Variants in PCSK5 observed in about 807,000 individuals in gnomAD.
PCSK5 encodes prohormone convertase 5.
PCSK5 carries 129 observed loss-of-function variants against 233.2 expected under a neutral mutation model. The ratio of observed to expected loss-of-function variants is 0.55; its 90% CI spans 0.48 to 0.64. The LOEUF (loss-of-function observed/expected upper bound fraction) is 0.64, where lower values mean the gene tolerates loss of function less well. PCSK5 is among the 30% of genes least tolerant of loss of function. PCSK5 has a pLI of 0.00. For synonymous variants in PCSK5, 825 were observed against 879.2 expected (o/e 0.94, Z 1.09); for missense variants, 2,076 against 2,430.1 (o/e 0.85, Z 3.06).
intron 3 of PCSK5, among the ~76,000 whole-genome samples, chr9:76,001,078 C>T (rs1827240314): frequency 6.6e-6 from 1 of 152,002 alleles, no homozygotes; most frequent in Admixed American, 6.6e-5. Context: ...AATTTAAAAT[C>T]AATTCAGTTT....
chr9:76,218,191 A>C (rs1357640791), intron 20 of PCSK5, among the ~76,000 whole-genome samples: 1 of 152,160 alleles, frequency 6.6e-6, no homozygotes, highest in African/African-American at 2.4e-5. Context: ...CAGCCTAAGA[A>C]GGGCACAGCC....
intron 23 of PCSK5, among the ~76,000 whole-genome samples, chr9:76,239,449 C>T (rs1826358911): frequency 6.6e-6 from 1 of 152,084 alleles, no homozygotes; most frequent in East Asian, 1.9e-4. Context: ...AATCCCAGCA[C>T]TTTGGGAGGC....
At position 76,040,363 on chromosome 9, in the gene PCSK5, C is replaced by CTG. The variant is rs1563988543; in HGVS notation, c.632+13327_632+13328insGT. ...TCTCTCTCTCTCTCTCTCTCTCTCT[C>CTG]TCTCTCTCTCTCTCTCTCTCTGTCT... On this transcript the variant is annotated intron_variant, in intron 5 of 37. Coordinates refer to ENST00000674117, the MANE Select transcript of PCSK5 (RefSeq NM_001372043.1). Among the ~76,000 whole-genome samples, 26 of 63,906 alleles carry CTG rather than the reference C, an allele frequency of 4.1e-4. No homozygotes were observed. In the East Asian group the frequency reaches 0.01, roughly 25 times the overall value. The allele number at this position is 63,906 out of a possible 152,430, so 41.9% of individuals were successfully genotyped here.
intron 3 of PCSK5, among the ~76,000 whole-genome samples, chr9:76,011,662 T>A (rs1025917886): frequency 6.6e-6 from 1 of 152,204 alleles, no homozygotes; most frequent in African/African-American, 2.4e-5. Context: ...TTGTCATAAG[T>A]AATTTTTTTG....
At chr9:76,285,556 G>A (rs7045119) in intron 24 of PCSK5, among the ~76,000 whole-genome samples, 3 of 152,006 alleles carry the variant, frequency 2.0e-5, no homozygotes, top group East Asian at 1.9e-4. Context: ...CAAGTGGTAG[G>A]GGGGGAGTCT....
Position 76,358,802 on chromosome 9 carries a change from T to C in PCSK5, c.5544T>C (p.Asp1848=), listed in dbSNP as rs1332787379. ...GGGACTATGATGAGGATGATGATGATGACATCGTCTACATGGGCCAGGATG... is the reference window on the plus strand; with the variant it reads ...GGGACTATGATGAGGATGATGATGACGACATCGTCTACATGGGCCAGGATG... ...RDRDYDEDDD[D]DIVYMGQDGT... is the part of the protein sequence containing the mutation. The change falls in exon 38 of 38, where the codon GAT becomes GAC. Residue 1848 remains aspartate (D), a synonymous_variant. Transcript: ENST00000674117. 1 of 1,612,796 alleles carries C rather than the reference T, an allele frequency of 6.2e-7. No homozygotes were observed. The highest frequency in any genetic ancestry group is 1.1e-5 in the South Asian group (1 of 91,082).
At chr9:76,040,505 C>T (rs959919365) in intron 5 of PCSK5, among the ~76,000 whole-genome samples, 1 of 151,958 alleles carries the variant, frequency 6.6e-6, no homozygotes, top group Non-Finnish European at 1.5e-5. Context: ...TCCGAGCTTC[C>T]CAAGATCCCT....
At chr9:75,934,134 A>G (rs1214532729) in intron 2 of PCSK5, among the ~76,000 whole-genome samples, 1 of 152,204 alleles carries the variant, frequency 6.6e-6, no homozygotes, top group African/African-American at 2.4e-5. Context: ...GACACATAGT[A>G]CCTGGAATGC....
chr9:76,076,011 A>G (rs749162214), intron 7 of PCSK5, among the ~76,000 whole-genome samples: 2 of 152,190 alleles, frequency 1.3e-5, no homozygotes, highest in Non-Finnish European at 2.9e-5. Context: ...GAATAAAAGT[A>G]AAGTGATTTC....
At chr9:76,277,123 G>A (rs990034603) in intron 24 of PCSK5, among the ~76,000 whole-genome samples, 4 of 152,090 alleles carry the variant, frequency 2.6e-5, no homozygotes, top group African/African-American at 9.7e-5. Context: ...CCAGCTACTA[G>A]GGAGTCTAAG....
chr9:76,080,608 T>C (rs1387661626), intron 7 of PCSK5, among the ~76,000 whole-genome samples: 1 of 152,188 alleles, frequency 6.6e-6, no homozygotes, highest in East Asian at 1.9e-4. Context: ...TGGTGTAGTA[T>C]GGTGGTTAAA....
intron 10 of PCSK5, among the ~76,000 whole-genome samples, chr9:76,142,579 T>C (rs766392473): frequency 6.6e-6 from 1 of 152,152 alleles, no homozygotes; most frequent in Non-Finnish European, 1.5e-5. Context: ...ATTCATAGTA[T>C]GTGCTTAAGT....
At chr9:76,208,117 T>G (rs2131280883) in intron 20 of PCSK5, among the ~76,000 whole-genome samples, 1 of 152,320 alleles carries the variant, frequency 6.6e-6, no homozygotes, top group African/African-American at 2.4e-5. Flanking sequence ...AGTCCATTTA[T>G]GAAGGCAGAG....
chr9:75,992,992 A>G (rs1304205844), intron 3 of PCSK5, among the ~76,000 whole-genome samples: 1 of 152,190 alleles, frequency 6.6e-6, no homozygotes, highest in East Asian at 1.9e-4. Context: ...GCTTTTTCTC[A>G]GCCAACTGGA....
intron 10 of PCSK5, among the ~76,000 whole-genome samples, chr9:76,154,130 T>A (rs1281031717): frequency 6.6e-6 from 1 of 152,224 alleles, no homozygotes; most frequent in Non-Finnish European, 1.5e-5. Context: ...TGACCTTCAT[T>A]GATCTACTCA....
chr9:76,227,630 G>C (rs564362814), intron 21 of PCSK5, 25 bp downstream of exon 21: 7 of 1,453,422 alleles, frequency 4.8e-6, no homozygotes, highest in Admixed American at 3.5e-5. Context: ...AGGATCTCCC[G>C]GTGGTGTGAG....
At chr9:76,040,617 T>C (rs1361069648) in intron 5 of PCSK5, among the ~76,000 whole-genome samples, 1 of 152,102 alleles carries the variant, frequency 6.6e-6, no homozygotes, top group East Asian at 1.9e-4. Context: ...GAAAGTAAAA[T>C]TGAAGGCAGG....
intron 5 of PCSK5, among the ~76,000 whole-genome samples, chr9:76,048,036 T>C (rs1465906270): frequency 2.6e-5 from 4 of 152,208 alleles, no homozygotes; most frequent in Non-Finnish European, 5.9e-5. Flanking sequence ...AAAGCCGCTG[T>C]CACGTTGCCG....
intron 5 of PCSK5, among the ~76,000 whole-genome samples, chr9:76,064,025 C>G (rs1488406244): frequency 4.1e-5 from 4 of 97,366 alleles, no homozygotes; most frequent in Admixed American, 8.8e-5. Context: ...CCCCACCTCC[C>G]TCCCGGACGG....
Sources: gnomAD v4.1 joint callset for allele counts (sites outside exome capture counted in the v4.1 genomes callset) on GRCh38, gnomAD v4.1.1 for gene constraint, MANE v1.5 for transcripts, NCBI Gene and HGNC (gene_info 2026-07-23, HGNC 2026-07-21) for gene names.